TENM3: variants seen among roughly 807,000 people sequenced by gnomAD.
TENM3 encodes teneurin transmembrane protein 3, also known as teneurin-3.
Under a neutral mutation model 255.1 loss-of-function variants are expected in TENM3, and 63 were observed. The ratio of observed to expected loss-of-function variants is 0.25; its 90% CI spans 0.20 to 0.30. The LOEUF is 0.30. Ranked by LOEUF, TENM3 falls within the 10% of genes least tolerant of loss-of-function variation. The probability of loss-of-function intolerance (pLI) is 1.00; values close to 1 mark genes in which losing one functional copy is unlikely to be tolerated. For synonymous variants in TENM3, 1,306 were observed against 1,322.3 expected (o/e 0.99, Z 0.27); for missense variants, 2,929 against 3,461.1 (o/e 0.85, Z 3.86).
chr4:182,600,929 C>G lies in TENM3; in HGVS notation c.517C>G (p.Pro173Ala). ...TTTTTTTTTTTTTTTTTCAGAGCAA[C>G]CTGCAAGCAATCAAGGCCAGTCTAC... is the stretch of plus-strand genomic sequence containing the variant. The part of the protein sequence containing the change: ...ENKSDSENEQ[P>A]ASNQGQSTLQ... Residue 173 changes from proline (P) to alanine (A), a missense_variant, in exon 4 of 28, where the codon CCT becomes GCT. Pro to Ala is a conservative substitution (Grantham distance 27, BLOSUM62 -1). This residue lies in a region of TENM3 where 283 missense variants were observed against 256.9 expected (regional missense o/e 1.10). Transcript: ENST00000511685. The G allele has an allele frequency of 1.9e-6, 2 of 1,051,340 alleles. No individual in the cohort carries two copies. Among genetic ancestry groups the G allele is most frequent in the South Asian group, 1.6e-5 (1 of 61,114 alleles). The allele number at this position is 1,051,340 out of a possible 1,614,324, so 65.1% of individuals were successfully genotyped here. A position where few individuals can be genotyped will look rare whatever the true frequency, so the allele number is the denominator to read the frequency against.
At chr4:182,147,795 G>A (rs1304027770) in intron 1 of TENM3, among the ~76,000 whole-genome samples, 2 of 152,108 alleles carry the variant, frequency 1.3e-5, no homozygotes, top group Non-Finnish European at 2.9e-5. Flanking sequence ...TTAGTGTTGT[G>A]TTCATAGTTG....
chr4:182,484,016 G>A (rs912516259), intron 3 of TENM3, among the ~76,000 whole-genome samples: 2 of 151,928 alleles, frequency 1.3e-5, no homozygotes, highest in Non-Finnish European at 2.9e-5. Flanking sequence ...ACACAAACCC[G>A]AACCACATCG....
chr4:182,597,917 T>G (rs1049552664), intron 3 of TENM3, among the ~76,000 whole-genome samples: 1 of 152,226 alleles, frequency 6.6e-6, no homozygotes, highest in Admixed American at 6.5e-5. Context: ...CAGTGGCTCA[T>G]GCCTGTAATC....
intron 16 of TENM3, among the ~76,000 whole-genome samples, chr4:182,731,535 A>T (rs1345832485): frequency 6.6e-6 from 1 of 151,986 alleles, no homozygotes; most frequent in Non-Finnish European, 1.5e-5. Context: ...CAAAACCAAA[A>T]AAACCCACGG....
the TENM3 span, among the ~76,000 whole-genome samples, chr4:181,794,226 A>G: frequency 6.6e-6 from 1 of 152,198 alleles, no homozygotes; most frequent in Non-Finnish European, 1.5e-5. Flanking sequence ...CTACCACAGT[A>G]AAACTAATTA....
chr4:182,655,248 A>C (rs1290581696), intron 6 of TENM3, among the ~76,000 whole-genome samples: 1 of 152,238 alleles, frequency 6.6e-6, no homozygotes, highest in Non-Finnish European at 1.5e-5. Context: ...GTTCCTGTGA[A>C]GATGATCGAA....
At chr4:182,640,956 C>T (rs886573053) in intron 5 of TENM3, among the ~76,000 whole-genome samples, 42 of 152,278 alleles carry the variant, frequency 2.8e-4, no homozygotes, top group Middle Eastern at 3.4e-3. Flanking sequence ...GTCCAAATAA[C>T]CCTTACCTAC....
chr4:181,452,628 C>A, the TENM3 span, among the ~76,000 whole-genome samples: 1 of 152,302 alleles, frequency 6.6e-6, no homozygotes, highest in South Asian at 2.1e-4. Flanking sequence ...AATTAAACAT[C>A]TTTCCTCTAT....
the TENM3 span, among the ~76,000 whole-genome samples, chr4:181,840,061 A>G: frequency 6.6e-6 from 1 of 152,064 alleles, no homozygotes; most frequent in Non-Finnish European, 1.5e-5. Flanking sequence ...CAAAGTCTCT[A>G]AACTTCTCTT....
At chr4:182,255,417 C>T (rs187125538) in intron 1 of TENM3, among the ~76,000 whole-genome samples, 3 of 152,150 alleles carry the variant, frequency 2.0e-5, no homozygotes, top group African/African-American at 4.8e-5. Flanking sequence ...ACCTAGGACC[C>T]GCTGTCTCGT....
the TENM3 span, among the ~76,000 whole-genome samples, chr4:182,009,861 C>A: frequency 6.6e-6 from 1 of 152,222 alleles, no homozygotes; most frequent in Non-Finnish European, 1.5e-5. Context: ...ATCTTCCTAT[C>A]CGTGGATTAC....
At chr4:181,893,412 T>C in the TENM3 span, among the ~76,000 whole-genome samples, 8 of 151,664 alleles carry the variant, frequency 5.3e-5, no homozygotes, top group African/African-American at 1.9e-4. Context: ...TATGATAATA[T>C]AGCTAATAAA....
At chr4:182,619,496 G>A (rs1004546686) in intron 4 of TENM3, among the ~76,000 whole-genome samples, 18 of 151,928 alleles carry the variant, frequency 1.2e-4, no homozygotes, top group Admixed American at 1.1e-3. Flanking sequence ...TCTAAAGCCA[G>A]ATCAACAAAG....
At position 182,673,016 on chromosome 4, in the gene TENM3, G is replaced by A. The variant is rs759645556; in HGVS notation, c.1123G>A (p.Gly375Arg). ...LPSGDNGKLG[G>R]FTQENNTIDS... ...TCTCTTACATTCAGGAAAATTAGGT[G>A]GATTTACGCAAGAAAATAACACCAT... The change falls in exon 7 of 28, where the codon GGA (glycine) becomes AGA (arginine). Residue 375 changes from glycine (G) to arginine (R), a missense_variant. By Grantham distance (125) the Gly-to-Arg change is moderately radical. Around this residue, in one of 6 missense-constraint regions of TENM3, gnomAD observed 1,608 missense variants for 1,884.4 expected, o/e 0.85. Coordinates refer to ENST00000511685, the MANE Select transcript of TENM3 (RefSeq NM_001080477.4). 3.8e-6 allele frequency: 6 copies of A among 1,580,450 alleles called. No individual in the cohort carries two copies. The African/African-American group carries it at 6.7e-5, about 18-fold the overall frequency.
chr4:181,654,261 C>T, the TENM3 span, among the ~76,000 whole-genome samples: 1 of 150,584 alleles, frequency 6.6e-6, no homozygotes, highest in East Asian at 2.0e-4. Flanking sequence ...AGTCCAAACT[C>T]GTGGGCCCCA....
chr4:182,767,655 C>T (rs1434339128), intron 22 of TENM3, among the ~76,000 whole-genome samples: 1 of 152,108 alleles, frequency 6.6e-6, no homozygotes, highest in African/African-American at 2.4e-5. Flanking sequence ...ACACATCACA[C>T]ACATACACAT....
intron 1 of TENM3, among the ~76,000 whole-genome samples, chr4:182,155,775 A>G (rs910592425): frequency 2.0e-5 from 3 of 152,186 alleles, no homozygotes; most frequent in African/African-American, 7.2e-5. Flanking sequence ...AAGGTTTAAT[A>G]CATATCTTAA....
intron 1 of TENM3, among the ~76,000 whole-genome samples, chr4:182,159,049 C>A (rs1183135957): frequency 6.6e-6 from 1 of 152,158 alleles, no homozygotes; most frequent in Admixed American, 6.5e-5. Context: ...TGATCTAGGG[C>A]AAAGCTGCCT....
At chr4:181,893,322 T>A in the TENM3 span, among the ~76,000 whole-genome samples, 1 of 152,158 alleles carries the variant, frequency 6.6e-6, no homozygotes, top group Admixed American at 6.5e-5. Context: ...ACTCCGAACT[T>A]GTTTTGCATT....
Sources: allele counts gnomAD v4.1 joint callset (sites outside exome capture counted in the v4.1 genomes callset), GRCh38; gene constraint gnomAD v4.1.1; regional missense constraint gnomAD v4.1.1; transcripts MANE v1.5; gene names NCBI Gene and HGNC (gene_info 2026-07-23, HGNC 2026-07-21).